Variants in NBAS observed in about 807,000 individuals in gnomAD.
NBAS encodes the protein NAG/BC035112 fusion.
A neutral mutation model predicts 302.5 loss-of-function variants in NBAS; 219 were observed. The observed-to-expected ratio is 0.72, with a 90% CI of 0.65 to 0.81. The LOEUF is 0.81. Among genes scored for constraint, NBAS ranks in the 30% least tolerant of loss-of-function variants. The pLI is 0.00. For missense variants in NBAS, 2,932 were observed against 2,841.6 expected, an observed-to-expected ratio of 1.03 and a Z score of -0.72; for synonymous variants, 1,118 against 1,021.6, an observed-to-expected ratio of 1.09 and a Z score of -1.80.
At chr2:15,561,083 C>T (rs369254446) in intron 1 of NBAS, 105 bp downstream of exon 1, 17 of 767,812 alleles carry the variant, frequency 2.2e-5, no homozygotes, top group Non-Finnish European at 2.9e-5. Flanking sequence ...CGGCCCTAGT[C>T]CCCCACCCAC....
the NBAS span, among the ~76,000 whole-genome samples, chr2:14,970,140 C>A: frequency 6.6e-6 from 1 of 152,032 alleles, no homozygotes; most frequent in Non-Finnish European, 1.5e-5. Context: ...GTACTTCAGG[C>A]CTCTATTGAA....
At chr2:15,297,092 T>G (rs973110732) in intron 40 of NBAS, among the ~76,000 whole-genome samples, 2 of 152,240 alleles carry the variant, frequency 1.3e-5, no homozygotes, top group African/African-American at 4.8e-5. Context: ...TGCTAAAACA[T>G]GTACTGAGTC....
chr2:14,962,929 C>T, the NBAS span, among the ~76,000 whole-genome samples: 1 of 151,502 alleles, frequency 6.6e-6, no homozygotes, highest in Admixed American at 6.6e-5. Context: ...CAACCCCTCC[C>T]ACAAAACAAA....
intron 48 of NBAS, among the ~76,000 whole-genome samples, chr2:15,204,412 G>A (rs1290919905): frequency 6.6e-6 from 1 of 151,998 alleles, no homozygotes; most frequent in South Asian, 2.1e-4. Flanking sequence ...ATATATTATG[G>A]ATAATGAACC....
the NBAS span, among the ~76,000 whole-genome samples, chr2:15,073,234 T>G: frequency 6.6e-6 from 1 of 152,040 alleles, no homozygotes; most frequent in African/African-American, 2.4e-5. Context: ...ATCCCAACAC[T>G]TTGGGAAGCC....
chr2:14,908,585 C>G, the NBAS span, among the ~76,000 whole-genome samples: 1 of 152,168 alleles, frequency 6.6e-6, no homozygotes, highest in Non-Finnish European at 1.5e-5. Flanking sequence ...AGGTCTTGCC[C>G]TGCAGTTCCT....
intron 9 of NBAS, among the ~76,000 whole-genome samples, chr2:15,522,265 G>A (rs1489009625): frequency 1.3e-5 from 2 of 152,142 alleles, no homozygotes; most frequent in East Asian, 3.8e-4. Context: ...TATAAGGATG[G>A]CACTAGAAAT....
intron 12 of NBAS, chr2:15,483,297 A>T (rs1680503270): frequency 2.5e-6 from 1 of 407,038 alleles, no homozygotes; most frequent in Non-Finnish European, 5.0e-6. Flanking sequence ...TGTGGATTAT[A>T]TCAAGATTCA....
the NBAS span, among the ~76,000 whole-genome samples, chr2:15,025,652 G>T: frequency 7.9e-5 from 12 of 151,958 alleles, no homozygotes; most frequent in African/African-American, 2.9e-4. Context: ...GCAGTGGTTT[G>T]TAATTCTCCT....
intron 28 of NBAS, among the ~76,000 whole-genome samples, chr2:15,391,379 A>T (rs79017834): frequency 2.0e-3 from 216 of 106,216 alleles, no homozygotes; most frequent in African/African-American, 6.8e-3. Flanking sequence ...CTTAGAGATT[A>T]AAAAAAAAAC....
At chr2:14,908,198 C>G in the NBAS span, among the ~76,000 whole-genome samples, 3 of 152,126 alleles carry the variant, frequency 2.0e-5, no homozygotes, top group Non-Finnish European at 4.4e-5. Context: ...CCCGTCTCTA[C>G]TAAAAACACA....
chr2:15,417,428 G>T, intron 24 of NBAS, 99 bp downstream of exon 24: 1 of 1,022,990 alleles, frequency 9.8e-7, no homozygotes. Flanking sequence ...AACTTCTCAG[G>T]TCTGTAGAAC....
the NBAS span, among the ~76,000 whole-genome samples, chr2:15,032,094 G>A: frequency 6.6e-6 from 1 of 152,180 alleles, no homozygotes; most frequent in Non-Finnish European, 1.5e-5. Flanking sequence ...AAATCCCCAG[G>A]GGTTAAACTA....
the NBAS span, among the ~76,000 whole-genome samples, chr2:15,123,574 A>G: frequency 3.9e-5 from 6 of 152,250 alleles, no homozygotes; most frequent in South Asian, 2.1e-4. Context: ...GCTTAGCACC[A>G]TCTCCTTGGT....
the NBAS span, among the ~76,000 whole-genome samples, chr2:14,874,463 TAAAA>T: frequency 7.7e-6 from 1 of 129,648 alleles, no homozygotes; most frequent in Admixed American, 7.8e-5. Context: ...CGTCTCTACT[TAAAA>T]AAAAAAAAAA....
At chr2:14,912,400 C>T in the NBAS span, among the ~76,000 whole-genome samples, 2 of 152,098 alleles carry the variant, frequency 1.3e-5, no homozygotes. Context: ...CTCCAAATTT[C>T]ACCCTTCATT....
rs1663686813 is a variant in NBAS at position 15,539,373 on chromosome 2, C to T, written c.380-17G>A. Reference sequence around the variant, plus strand: ...CTTTCGGAACTAGAACAAAAGAAAACAAGAGGTGCTTCTAACAATATATTA... The same window carrying T: ...CTTTCGGAACTAGAACAAAAGAAAATAAGAGGTGCTTCTAACAATATATTA... On this transcript the variant is annotated splice_polypyrimidine_tract_variant and intron_variant, in intron 6 of 51. Coordinates refer to ENST00000281513, the MANE Select transcript of NBAS (RefSeq NM_015909.4). 15 of 1,613,988 alleles carry T rather than the reference C, an allele frequency of 9.3e-6. No individual in the cohort carries two copies. The highest frequency in any genetic ancestry group is 1.3e-5 in the Non-Finnish European group (15 of 1,179,964).
intron 25 of NBAS, among the ~76,000 whole-genome samples, chr2:15,409,488 T>C (rs560949249): frequency 6.6e-6 from 1 of 152,376 alleles, no homozygotes; most frequent in East Asian, 1.9e-4. Context: ...TGTGTAACAA[T>C]CCAGAAAATT....
chr2:15,120,137 C>T, the NBAS span, among the ~76,000 whole-genome samples: 2 of 152,178 alleles, frequency 1.3e-5, no homozygotes, highest in Admixed American at 6.5e-5. Context: ...TGTCAGCAGG[C>T]AGATCTCCAA....
Sources: gnomAD v4.1 joint callset for allele counts (sites outside exome capture counted in the v4.1 genomes callset) on GRCh38, gnomAD v4.1.1 for gene constraint, MANE v1.5 for transcripts, NCBI Gene and HGNC (gene_info 2026-07-23, HGNC 2026-07-21) for gene names.